DDO: variants seen among roughly 807,000 people sequenced by gnomAD.
DDO encodes the protein D-aspartate oxidase, DDO.
A neutral mutation model predicts 16.8 loss-of-function variants in DDO; 16 were observed. The observed-to-expected ratio is 0.95, with a 90% confidence interval of 0.65 to 1.45. DDO has a LOEUF of 1.45. DDO is among the 40% of genes most tolerant of loss of function. DDO has a pLI of 0.00. For synonymous variants in DDO, 180 were observed against 167.2 expected (o/e 1.08, Z -0.59); for missense variants, 429 against 420.3 (o/e 1.02, Z -0.18).
chr6:110,400,398 A>G (rs1480040518), intron 4 of DDO, among the ~76,000 whole-genome samples: 1 of 136,736 alleles, frequency 7.3e-6, no homozygotes, highest in East Asian at 2.3e-4. Flanking sequence ...CAGCCCCCGC[A>G]GAGGAGGACG....
chr6:110,398,424 A>AAACACCC (rs1562260081), intron 4 of DDO, among the ~76,000 whole-genome samples: 3 of 140,226 alleles, frequency 2.1e-5, no homozygotes, highest in African/African-American at 5.8e-5. Context: ...ACACACACAC[A>AAACACCC]CACTTGGCCT....
In DDO at chr6:110,406,026, C is replaced by A. The variant is rs1773642910; in HGVS notation, c.282-1076G>T. ...TCTAGGTAATTGATTCAGAGCAGTC[C>A]CCATGAAGACACAAATGTCCTTTAC... On this transcript the variant is annotated intron_variant, in intron 3 of 4. Coordinates refer to ENST00000368924, the MANE Select transcript of DDO (RefSeq NM_001372108.2). 1.3e-5 allele frequency among the ~76,000 whole-genome samples: 2 copies of A among 152,058 alleles called. 1 individual carries two copies.
chr6:110,399,096 G>A (rs540599134), intron 4 of DDO, among the ~76,000 whole-genome samples: 8 of 152,332 alleles, frequency 5.3e-5, no homozygotes, highest in South Asian at 4.1e-4. Context: ...TCCACTGGCA[G>A]AATATGATAT....
chr6:110,410,304 G>C (rs1307996774), intron 2 of DDO, among the ~76,000 whole-genome samples: 1 of 152,202 alleles, frequency 6.6e-6, no homozygotes, highest in Non-Finnish European at 1.5e-5. Context: ...TGTCTTTGAG[G>C]GATGATTCCA....
intron 2 of DDO, 77 bp from the exon 3 acceptor site, chr6:110,408,519 C>A: frequency 7.4e-7 from 1 of 1,344,856 alleles, no homozygotes; most frequent in Non-Finnish European, 1.0e-6. Flanking sequence ...AAGCTCCTTC[C>A]TAGAAACTTG....
intron 1 of DDO, 130 bp from the exon 2 acceptor site, chr6:110,413,596 T>C: frequency 3.3e-6 from 3 of 899,796 alleles, no homozygotes; most frequent in Non-Finnish European, 5.1e-6. Context: ...TTGGTGTTTC[T>C]TGTGAGATAA....
chr6:110,413,210 C>G, intron 2 of DDO, 81 bp downstream of exon 2: 1 of 1,497,978 alleles, frequency 6.7e-7, no homozygotes, highest in East Asian at 2.3e-5. Flanking sequence ...CTATAGCCAG[C>G]TGTCTTTTGT....
intron 2 of DDO, among the ~76,000 whole-genome samples, chr6:110,412,637 C>T (rs1249053227): frequency 6.6e-6 from 1 of 152,242 alleles, no homozygotes; most frequent in Admixed American, 6.5e-5. Flanking sequence ...GAGGTCCCCT[C>T]CCCTCCGCCC....
intron 4 of DDO, among the ~76,000 whole-genome samples, chr6:110,403,173 C>A (rs6900185): frequency 6.6e-6 from 1 of 152,106 alleles, no homozygotes; most frequent in African/African-American, 2.4e-5. Context: ...GGAAACTCTG[C>A]CATTTTTTGC....
chr6:110,392,080 G>T lies in DDO; in HGVS notation c.*695C>A. 2 of 642,696 alleles carry T rather than the reference G, an allele frequency of 3.1e-6. No homozygotes were observed. Among genetic ancestry groups the T allele is most frequent in the Non-Finnish European group, 3.9e-6 (2 of 516,924 alleles). 39.8% of individuals were successfully genotyped at this position (642,696 alleles called of 1,614,324 possible). On this transcript the variant is annotated 3_prime_UTR_variant, in exon 5 of 5. Coordinates refer to ENST00000368924, the MANE Select transcript of DDO (RefSeq NM_001372108.2). ...GACATACATAGGCAACTTCATCTCT[G>T]TCTCCTACCATCATTACCAGCTGAG... is the stretch of plus-strand genomic sequence containing the variant.
At chr6:110,410,807 A>G (rs1280945009) in intron 2 of DDO, among the ~76,000 whole-genome samples, 1 of 152,056 alleles carries the variant, frequency 6.6e-6, no homozygotes, top group Non-Finnish European at 1.5e-5. Context: ...CAGCCAAACT[A>G]TATCAGCTGG....
At chr6:110,413,067 T>G (rs1433789056) in intron 2 of DDO, among the ~76,000 whole-genome samples, 1 of 151,988 alleles carries the variant, frequency 6.6e-6, no homozygotes, top group Non-Finnish European at 1.5e-5. Context: ...CACTTGAGCC[T>G]GGGAGGTTGA....
At chr6:110,397,477 A>T (rs964791848) in intron 4 of DDO, among the ~76,000 whole-genome samples, 5 of 152,212 alleles carry the variant, frequency 3.3e-5, no homozygotes, top group African/African-American at 1.2e-4. Context: ...AATTAATTAA[A>T]ACTCAGAATT....
At chr6:110,388,921 C>A, downstream of DDO, 1 of 483,114 alleles carries the variant, frequency 2.1e-6, no homozygotes, top group Non-Finnish European at 2.7e-6. Flanking sequence ...CTTATATAAA[C>A]ATTGAAATCT....
chr6:110,396,688 CTGTTT>C (rs1462106314), intron 4 of DDO, among the ~76,000 whole-genome samples: 5 of 148,416 alleles, frequency 3.4e-5, no homozygotes, highest in African/African-American at 1.3e-4. Flanking sequence ...GCTGGAGCTA[CTGTTT>C]TGTTTGTTTG....
At chr6:110,410,955 T>C (rs1773835569) in intron 2 of DDO, among the ~76,000 whole-genome samples, 1 of 152,160 alleles carries the variant, frequency 6.6e-6, no homozygotes, top group African/African-American at 2.4e-5. Flanking sequence ...TATTCTTTCT[T>C]AGGGGTCTTT....
In DDO at chr6:110,393,007, A is replaced by G. The variant is rs1157004555; in HGVS notation, c.794T>C (p.Leu265Pro). 1.2e-6 allele frequency: 2 copies of G among 1,610,988 alleles called. No individual in the cohort carries two copies. The highest frequency in any genetic ancestry group is 2.2e-5 in the East Asian group (1 of 44,776). Residue 265 changes from leucine to proline, a missense_variant, in exon 5 of 5, where the codon CTC becomes CCC. By Grantham distance (98) the Leu-to-Pro change is moderately conservative. Transcript: ENST00000368924. ...LSRCCALEPS[L>P]HGACNIREKV... ...CTCCCTGATGTTGCAGGCTCCGTGG[A>G]GGGAGGGCTCCAGAGCACAGCATCG...
At chr6:110,408,006 C>T (rs980785415) in intron 3 of DDO, among the ~76,000 whole-genome samples, 3 of 152,184 alleles carry the variant, frequency 2.0e-5, no homozygotes, top group Admixed American at 2.0e-4. Flanking sequence ...TCGGCTGTAC[C>T]ATCCCCACAT....
Position 110,392,495 on chromosome 6 carries a change from T to G in DDO, c.*280A>C. 2 of 1,127,744 alleles carry G rather than the reference T, an allele frequency of 1.8e-6. No homozygotes were observed. The highest frequency in any genetic ancestry group is 2.2e-6 in the Non-Finnish European group (2 of 922,998). 69.9% of individuals were successfully genotyped at this position (1,127,744 alleles called of 1,614,324 possible). The stretch of plus-strand genomic sequence containing the variant: ...TAAGCCTACATGTTGCATCATTTCT[T>G]TTGTTGTTGGTGTTTTTTTTAGAGG... On this transcript the variant is annotated 3_prime_UTR_variant, in exon 5 of 5. Coordinates refer to ENST00000368924, the MANE Select transcript of DDO (RefSeq NM_001372108.2).
Sources: gnomAD v4.1 joint callset for allele counts (sites outside exome capture counted in the v4.1 genomes callset) on GRCh38, gnomAD v4.1.1 for gene constraint, MANE v1.5 for transcripts, NCBI Gene and HGNC (gene_info 2026-07-23, HGNC 2026-07-21) for gene names.